The following TMEM53 variants were observed in gnomAD, a reference collection of about 807,000 sequenced individuals.
TMEM53 encodes novel DUF829 domain-containing protein.
In TMEM53, 14 loss-of-function variants were observed where a neutral mutation model predicts 21.4. The ratio of observed to expected loss-of-function variants is 0.65; its 90% CI spans 0.43 to 1.02. The LOEUF (loss-of-function observed/expected upper bound fraction) is 1.02, where lower values mean the gene tolerates loss of function less well. TMEM53 is among the 50% of genes least tolerant of loss of function. The pLI is 0.00. For missense variants in TMEM53, 323 were observed against 383.6 expected (o/e 0.84, Z 1.32); for synonymous variants, 148 against 157.4 (o/e 0.94, Z 0.45).
chr1:44,662,180 C>T (rs567809019), intron 1 of TMEM53, among the ~76,000 whole-genome samples: 1 of 152,318 alleles, frequency 6.6e-6, no homozygotes, highest in Non-Finnish European at 1.5e-5. Context: ...TTCAATGTTC[C>T]TGCTCTCTAG....
intron 1 of TMEM53, among the ~76,000 whole-genome samples, chr1:44,671,907 C>T (rs1004578917): frequency 1.3e-5 from 2 of 152,022 alleles, no homozygotes; most frequent in African/African-American, 2.4e-5. Context: ...CCAGCCTGGG[C>T]GACAGAGTTA....
In TMEM53 at chr1:44,653,713, G is replaced by C. The variant is rs1354515789; in HGVS notation, c.*846C>G. 6.6e-6 allele frequency: 1 copy of C among 152,282 alleles called. No homozygotes were observed. The highest frequency in any genetic ancestry group is 2.4e-5 in the African/African-American group (1 of 41,468). 9.4% of individuals were successfully genotyped at this position (152,282 alleles called of 1,614,324 possible). On this transcript the variant is annotated 3_prime_UTR_variant, in exon 3 of 3. Transcript: ENST00000372237. ...ACTTTACACTGTAGGGCTTCGCCCTGCTGGAGCAAAGATCATAGCCCCTAT... is the reference window on the plus strand; with the variant it reads ...ACTTTACACTGTAGGGCTTCGCCCTCCTGGAGCAAAGATCATAGCCCCTAT...
intron 1 of TMEM53, among the ~76,000 whole-genome samples, chr1:44,669,797 A>ATT (rs35923018): frequency 1.0e-3 from 136 of 135,162 alleles, no homozygotes; most frequent in Non-Finnish European, 1.7e-3. Flanking sequence ...AAAGCATCCT[A>ATT]TTTTTTTTTT....
Position 44,657,049 on chromosome 1 carries a change from C to T in TMEM53, c.184-1840G>A, listed in dbSNP as rs190884094. On this transcript the variant is annotated intron_variant, in intron 2 of 2. Transcript: ENST00000372237. ...AGAACAACAACAAAAAAAATACTAG[C>T]TTGGCGTGGTGGTGCATGCCTGCAG... is the stretch of plus-strand genomic sequence containing the variant. Among the ~76,000 whole-genome samples the T allele has an allele frequency of 1.7e-3, 251 of 151,580 alleles. 1 individual carries two copies. Among genetic ancestry groups the T allele is most frequent in the African/African-American group, 5.8e-3 (238 of 41,352 alleles).
chr1:44,655,089 T>C lies in TMEM53; in HGVS notation c.304A>G (p.Ile102Val). 6.2e-7 allele frequency: 1 copy of C among 1,614,110 alleles called. No individual in the cohort carries two copies. Among genetic ancestry groups the C allele is most frequent in the Non-Finnish European group, 8.5e-7 (1 of 1,180,032 alleles). ...TGGAAGAGCAGGGGCTCCTTCTCAA[T>C]CTCATAATCAAAGAGCAGCTCGAGC... ...KLLELLFDYE[I>V]EKEPLLFHVF... Residue 102 changes from isoleucine to valine, a missense_variant, in exon 3 of 3, where the codon ATT (isoleucine) becomes GTT (valine). Physicochemically the swap from Ile to Val is conservative, Grantham distance 29 (BLOSUM62 3). This residue lies in a region of TMEM53 where 269 missense variants were observed against 334.5 expected (regional missense o/e 0.80). Transcript: ENST00000372237. The surrounding 1 kb of genome is among the most constrained non-coding windows in gnomAD (Gnocchi z 4.4).
intron 1 of TMEM53, among the ~76,000 whole-genome samples, chr1:44,661,287 G>A (rs1310871894): frequency 6.6e-6 from 1 of 152,152 alleles, no homozygotes; most frequent in African/African-American, 2.4e-5. Flanking sequence ...CTGGAGGGCA[G>A]TGGCACGATC....
At chr1:44,671,111 G>A (rs6429544) in intron 1 of TMEM53, among the ~76,000 whole-genome samples, 77,516 of 152,102 alleles carry the variant, frequency 0.51, 20,335 homozygotes, top group Middle Eastern at 0.61. Context: ...GTGCTTATGG[G>A]AGCCCCAGGA....
chr1:44,660,100 A>G, intron 2 of TMEM53, 74 bp downstream of exon 2: 1 of 1,541,646 alleles, frequency 6.5e-7, no homozygotes, highest in Admixed American at 1.9e-5. Flanking sequence ...CTGTTCTTAA[A>G]GCCATTCCCA....
chr1:44,660,000 A>G (rs1644885526), intron 2 of TMEM53, among the ~76,000 whole-genome samples, 174 bp downstream of exon 2: 1 of 151,900 alleles, frequency 6.6e-6, no homozygotes, highest in Non-Finnish European at 1.5e-5. Flanking sequence ...CTGGGATTAC[A>G]GGCACGTGCC....
At chr1:44,664,216 C>A (rs1644926943) in intron 1 of TMEM53, among the ~76,000 whole-genome samples, 1 of 150,678 alleles carries the variant, frequency 6.6e-6, no homozygotes, top group Non-Finnish European at 1.5e-5. Flanking sequence ...TTTGGGAGGC[C>A]AAGACAAGCT....
At chr1:44,672,839 T>G (rs1164723680) in intron 1 of TMEM53, among the ~76,000 whole-genome samples, 3 of 151,588 alleles carry the variant, frequency 2.0e-5, no homozygotes, top group Admixed American at 2.0e-4. Context: ...GCACCTGCAC[T>G]GTGCCAGGGA....
intron 2 of TMEM53, 90 bp downstream of exon 2, chr1:44,660,084 T>C (rs1267896653): frequency 6.7e-7 from 1 of 1,493,860 alleles, no homozygotes; most frequent in Non-Finnish European, 9.1e-7. Flanking sequence ...TCTCGAACTC[T>C]AGAGGCTGTT....
At position 44,653,928 on chromosome 1, in the gene TMEM53, A is replaced by T. The variant is rs895839411; in HGVS notation, c.*631T>A. The T allele has an allele frequency of 6.6e-6, 1 of 152,288 alleles. No homozygotes were observed. Among genetic ancestry groups the T allele is most frequent in the African/African-American group, 2.4e-5 (1 of 41,470 alleles). The allele number at this position is 152,288 out of a possible 1,614,324, so 9.4% of individuals were successfully genotyped here. A position where few individuals can be genotyped will look rare whatever the true frequency, so the allele number is the denominator to read the frequency against. On this transcript the variant is annotated 3_prime_UTR_variant, in exon 3 of 3. Coordinates refer to ENST00000372237, the MANE Select transcript of TMEM53 (RefSeq NM_024587.4). ...GTTCTAGAGGTCTGCCGTGCACATAATCTCTTAAATTTTAAGTATCGTACA... is the reference window on the plus strand; with the variant it reads ...GTTCTAGAGGTCTGCCGTGCACATATTCTCTTAAATTTTAAGTATCGTACA...
chr1:44,657,539 TTTTGC>T (rs1425567834), intron 2 of TMEM53, among the ~76,000 whole-genome samples: 2 of 152,098 alleles, frequency 1.3e-5, no homozygotes, highest in African/African-American at 4.8e-5. Context: ...TTTTGTTTTG[TTTTGC>T]TTGTTTTGTT....
Position 44,655,070 on chromosome 1 carries a change from A to T in TMEM53, c.323T>A (p.Leu108His). 1.9e-6 allele frequency: 3 copies of T among 1,614,232 alleles called. No homozygotes were observed. The highest frequency in any genetic ancestry group is 2.5e-6 in the Non-Finnish European group (3 of 1,180,036). Residue 108 changes from leucine (L) to histidine (H), a missense_variant, in exon 3 of 3, where the codon CTC (leucine) becomes CAC (histidine). Leu to His is a moderately conservative substitution (Grantham distance 99). Around this residue, in one of 3 missense-constraint regions of TMEM53, gnomAD observed 269 missense variants for 334.5 expected, o/e 0.80. Transcript: ENST00000372237. The surrounding 1 kb of genome is among the most constrained non-coding windows in gnomAD (Gnocchi z 4.4). ...GCCACCGTTGCTGAAGACATGGAAG[A>T]GCAGGGGCTCCTTCTCAATCTCATA... is the stretch of plus-strand genomic sequence containing the variant. ...FDYEIEKEPLLFHVFSNGGVM... is the reference protein window; with the variant it reads ...FDYEIEKEPLHFHVFSNGGVM...
At chr1:44,659,970 T>C (rs775870572) in intron 2 of TMEM53, among the ~76,000 whole-genome samples, 7 of 149,602 alleles carry the variant, frequency 4.7e-5, no homozygotes, top group Middle Eastern at 3.5e-3. Flanking sequence ...GCGATTCTCC[T>C]GCCTCAGCCT....
chr1:44,661,559 G>A (rs972593355), intron 1 of TMEM53, among the ~76,000 whole-genome samples: 2 of 152,114 alleles, frequency 1.3e-5, no homozygotes, highest in Non-Finnish European at 2.9e-5. Flanking sequence ...GGGACATGAG[G>A]CTGACTCTGG....
intron 2 of TMEM53, among the ~76,000 whole-genome samples, chr1:44,658,803 C>A (rs1440247289): frequency 6.6e-6 from 1 of 152,194 alleles, no homozygotes; most frequent in Non-Finnish European, 1.5e-5. Context: ...CTGCCCGCCT[C>A]AGCCTTCCAA....
chr1:44,660,915 G>A (rs969388059), intron 1 of TMEM53, among the ~76,000 whole-genome samples: 5 of 151,054 alleles, frequency 3.3e-5, no homozygotes, highest in East Asian at 2.0e-4. Context: ...GGAGCTTGCC[G>A]TGAGCCGAGA....
Sources: gnomAD v4.1 joint callset for allele counts (sites outside exome capture counted in the v4.1 genomes callset) on GRCh38, gnomAD v4.1.1 for gene constraint, gnomAD v4.1.1 regional missense constraint, Gnocchi (gnomAD v3.1) non-coding constraint, MANE v1.5 for transcripts, NCBI Gene and HGNC (gene_info 2026-07-23, HGNC 2026-07-21) for gene names.